ADD2: variants seen among roughly 807,000 people sequenced by gnomAD.
ADD2 encodes adducin 2, also known as beta-adducin.
Under a neutral mutation model 83.0 loss-of-function variants are expected in ADD2, and 23 were observed. That is an observed-to-expected ratio of 0.28 (90% CI 0.20 to 0.39). The LOEUF (loss-of-function observed/expected upper bound fraction) is 0.39. ADD2 is among the 10% of genes least tolerant of loss of function. ADD2 has a pLI of 1.00. For missense variants in ADD2, 758 were observed against 944.9 expected (o/e 0.80, Z 2.59); for synonymous variants, 375 against 375.4 (o/e 1.00, Z 0.01).
chr2:70,693,025 T>C (rs898692682), intron 6 of ADD2, among the ~76,000 whole-genome samples: 3 of 152,074 alleles, frequency 2.0e-5, no homozygotes, highest in Non-Finnish European at 1.5e-5. Context: ...GGGGGAGTAA[T>C]GTCTACACTG....
intron 8 of ADD2, 142 bp downstream of exon 8, chr2:70,690,644 T>C: frequency 4.2e-6 from 4 of 962,226 alleles, no homozygotes; most frequent in Non-Finnish European, 5.9e-6. Context: ...CACAGCAAAA[T>C]CTCAGGGTAG....
chr2:70,692,609 C>A (rs1239891355), intron 6 of ADD2, 57 bp from the exon 7 acceptor site: 9 of 1,506,832 alleles, frequency 6.0e-6, no homozygotes, highest in Non-Finnish European at 8.0e-6. Flanking sequence ...CCCCGCACTC[C>A]TCTCCCAGCT....
chr2:70,663,195 C>A lies in ADD2; in HGVS notation c.*230G>T, dbSNP rs533796345. ...GACTGGAAGTCAGGAGACCTGAATT[C>A]GAGTGCAGGCTCTGCCGCTAACTAG... On this transcript the variant is annotated 3_prime_UTR_variant, in exon 16 of 16. Transcript: ENST00000264436. 1.1e-5 allele frequency: 6 copies of A among 528,032 alleles called. No individual in the cohort carries two copies. Among genetic ancestry groups the A allele is most frequent in the Middle Eastern group, 1.0e-3 (2 of 2,008 alleles). 32.7% of individuals were successfully genotyped at this position (528,032 alleles called of 1,614,324 possible). A position where few individuals can be genotyped will look rare whatever the true frequency, so the allele number is the denominator to read the frequency against.
chr2:70,674,273 A>G (rs1553367760), intron 14 of ADD2, among the ~76,000 whole-genome samples: 2 of 152,224 alleles, frequency 1.3e-5, no homozygotes, highest in East Asian at 3.9e-4. Flanking sequence ...AGAATCTGAA[A>G]TAAAGGAGCG....
intron 1 of ADD2, among the ~76,000 whole-genome samples, chr2:70,763,472 A>C: frequency 6.6e-6 from 1 of 152,004 alleles, no homozygotes; most frequent in East Asian, 1.9e-4. Flanking sequence ...CTATATAAAC[A>C]TCCCTTTTGG....
At chr2:70,754,645 C>T (rs1423703171) in intron 1 of ADD2, among the ~76,000 whole-genome samples, 2 of 152,140 alleles carry the variant, frequency 1.3e-5, no homozygotes, top group African/African-American at 4.8e-5. Context: ...ACGTTGACAT[C>T]TACATGGTGA....
intron 13 of ADD2, 61 bp from the exon 14 acceptor site, chr2:70,674,886 CA>C: frequency 6.4e-7 from 1 of 1,562,594 alleles, no homozygotes; most frequent in Non-Finnish European, 8.6e-7. Context: ...GTGCAGGCCC[CA>C]GCTTCCTTTT....
Position 70,676,989 on chromosome 2 carries a change from C to A in ADD2, c.1504-104G>T. 3 of 1,499,258 alleles carry A rather than the reference C, an allele frequency of 2.0e-6. No individual in the cohort carries two copies. Among genetic ancestry groups the A allele is most frequent in the South Asian group, 2.7e-5 (2 of 74,148 alleles). The allele number at this position is 1,499,258 out of a possible 1,614,324, so 92.9% of individuals were successfully genotyped here. ...CCTGGGGTCTAGAAAGGTCCTCTAG[C>A]GGTGTGGGAGCCCGTCACCTATCCT... On this transcript the variant is annotated intron_variant, in intron 12 of 15. Transcript: ENST00000264436. This position sits in a 1 kb window ranked among gnomAD's most constrained non-coding sequence, Gnocchi z 4.8.
chr2:70,728,513 G>C (rs1172358602), intron 1 of ADD2, among the ~76,000 whole-genome samples: 2 of 152,196 alleles, frequency 1.3e-5, no homozygotes, highest in African/African-American at 2.4e-5. Context: ...AGGTGCACTA[G>C]GTGAATGGAT....
intron 10 of ADD2, among the ~76,000 whole-genome samples, chr2:70,682,921 G>A (rs1460148486): frequency 6.6e-6 from 1 of 151,942 alleles, no homozygotes; most frequent in Non-Finnish European, 1.5e-5. Context: ...CTGTATTAAA[G>A]TCATGAAATG....
At chr2:70,767,761 G>T (rs568872938) in intron 1 of ADD2, 125 bp downstream of exon 1, 7 of 1,452,430 alleles carry the variant, frequency 4.8e-6, no homozygotes, top group African/African-American at 1.4e-5. Flanking sequence ...GCACCGACGC[G>T]CTCGGCAACA....
chr2:70,665,739 G>GTT (rs1553366023), intron 15 of ADD2, among the ~76,000 whole-genome samples: 1 of 151,628 alleles, frequency 6.6e-6, no homozygotes, highest in Non-Finnish European at 1.5e-5. Context: ...TCCAGGTAGA[G>GTT]TTTATCACTC....
Position 70,663,200 on chromosome 2 carries a change from G to A in ADD2, c.*225C>T. ...GAAGTCAGGAGACCTGAATTCGAGTGCAGGCTCTGCCGCTAACTAGCTGTG... is the reference window on the plus strand; with the variant it reads ...GAAGTCAGGAGACCTGAATTCGAGTACAGGCTCTGCCGCTAACTAGCTGTG... On this transcript the variant is annotated 3_prime_UTR_variant, in exon 16 of 16. Coordinates refer to ENST00000264436, the MANE Select transcript of ADD2 (RefSeq NM_001617.4). 1 of 541,636 alleles carries A rather than the reference G, an allele frequency of 1.8e-6. No homozygotes were observed. Among genetic ancestry groups the A allele is most frequent in the Non-Finnish European group, 3.3e-6 (1 of 304,208 alleles). The allele number at this position is 541,636 out of a possible 1,614,324, so 33.6% of individuals were successfully genotyped here.
chr2:70,722,996 G>A (rs1672808295), intron 1 of ADD2, among the ~76,000 whole-genome samples: 1 of 152,190 alleles, frequency 6.6e-6, no homozygotes, highest in South Asian at 2.1e-4. Context: ...CCAAAGTTGG[G>A]AGTAGGAGAG....
At chr2:70,712,625 TG>T (rs1672253433) in intron 2 of ADD2, among the ~76,000 whole-genome samples, 1 of 152,100 alleles carries the variant, frequency 6.6e-6, no homozygotes. Context: ...GGCTGCCATG[TG>T]GAAGAAGAAT....
In ADD2 at chr2:70,677,750, C is replaced by T. The variant is rs1553368643; in HGVS notation, c.1503+8G>A. On this transcript the variant is annotated splice_region_variant and intron_variant, in intron 12 of 15. Transcript: ENST00000264436. ...GAAGAAAGAGTGGGATAAACAGACC[C>T]CACTTACCTTGTTCCTCATCTCCAG... The T allele has an allele frequency of 1.9e-6, 3 of 1,613,934 alleles. No homozygotes were observed. Among genetic ancestry groups the T allele is most frequent in the Non-Finnish European group, 2.5e-6 (3 of 1,179,850 alleles).
At chr2:70,709,210 C>T (rs1553375052) in intron 2 of ADD2, among the ~76,000 whole-genome samples, 1 of 152,058 alleles carries the variant, frequency 6.6e-6, no homozygotes, top group Non-Finnish European at 1.5e-5. Flanking sequence ...AAAGCCCTTA[C>T]CTGATCTCCC....
At chr2:70,761,421 C>CA (rs1487533780) in intron 1 of ADD2, among the ~76,000 whole-genome samples, 3 of 151,282 alleles carry the variant, frequency 2.0e-5, no homozygotes, top group African/African-American at 7.3e-5. Flanking sequence ...CCTGCCTGGC[C>CA]AACATGGTGA....
chr2:70,691,186 A>G (rs942327795), intron 7 of ADD2, among the ~76,000 whole-genome samples: 2 of 152,204 alleles, frequency 1.3e-5, no homozygotes, highest in African/African-American at 4.8e-5. Context: ...TAGAACTGCT[A>G]GAAAGAATGC....
Sources: allele counts gnomAD v4.1 joint callset (sites outside exome capture counted in the v4.1 genomes callset), GRCh38; gene constraint gnomAD v4.1.1; non-coding constraint Gnocchi (gnomAD v3.1); transcripts MANE v1.5; gene names NCBI Gene and HGNC (gene_info 2026-07-23, HGNC 2026-07-21).